The following YWHAH variants were observed in gnomAD, a reference collection of about 807,000 sequenced individuals.
The protein encoded by YWHAH is 14-3-3 protein eta.
Under a neutral mutation model 22.9 loss-of-function variants are expected in YWHAH, and 6 were observed. The ratio of observed to expected loss-of-function variants is 0.26; its 90% CI spans 0.14 to 0.52. YWHAH has a LOEUF of 0.52. Ranked by LOEUF, YWHAH falls within the 20% of genes least tolerant of loss-of-function variation. The pLI is 0.97. For synonymous variants in YWHAH, 135 were observed against 124.5 expected (o/e 1.08, Z -0.56); for missense variants, 173 against 308.6 (o/e 0.56, Z 3.29).
chr22:31,945,845 C>CA (rs2149466136), intron 1 of YWHAH, among the ~76,000 whole-genome samples: 1 of 152,256 alleles, frequency 6.6e-6, no homozygotes, highest in South Asian at 2.1e-4. Flanking sequence ...CAGACATCTG[C>CA]ATTGTAACCA....
chr22:31,950,240 T>C, intron 1 of YWHAH: 2 of 738,448 alleles, frequency 2.7e-6, no homozygotes, highest in South Asian at 2.9e-5. Context: ...CCATATTGCC[T>C]TTAATGTATT....
At position 31,957,173 on chromosome 22, in the gene YWHAH, A is replaced by C. The variant is rs2093850618; in HGVS notation, c.*381A>C. 5.6e-6 allele frequency: 1 copy of C among 179,656 alleles called. No homozygotes were observed. Among genetic ancestry groups the C allele is most frequent in the African/African-American group, 2.4e-5 (1 of 41,952 alleles). 11.1% of individuals were successfully genotyped at this position (179,656 alleles called of 1,614,324 possible). A position where few individuals can be genotyped will look rare whatever the true frequency, so the allele number is the denominator to read the frequency against. ...ACAAGCTGATAGTGTTTCGTTAAGCAGTACATCTTGTGCATGCAAAAATGA... is the reference window on the plus strand; with the variant it reads ...ACAAGCTGATAGTGTTTCGTTAAGCCGTACATCTTGTGCATGCAAAAATGA... On this transcript the variant is annotated 3_prime_UTR_variant, in exon 2 of 2. Transcript: ENST00000248975.
At position 31,956,828 on chromosome 22, in the gene YWHAH, C is replaced by T. The variant is rs2093850177; in HGVS notation, c.*36C>T. On this transcript the variant is annotated 3_prime_UTR_variant, in exon 2 of 2. Coordinates refer to ENST00000248975, the MANE Select transcript of YWHAH (RefSeq NM_003405.4). The surrounding 1 kb of genome is among the most constrained non-coding windows in gnomAD (Gnocchi z 5.1). ...GGTCCCCTGGCCCTTCCTTCACCCA[C>T]CACCCCCATCATCACCGATTCTTCC... 4 of 1,527,058 alleles carry T rather than the reference C, an allele frequency of 2.6e-6. No individual in the cohort carries two copies. Among genetic ancestry groups the T allele is most frequent in the Non-Finnish European group, 3.5e-6 (4 of 1,136,804 alleles). The allele number at this position is 1,527,058 out of a possible 1,614,324, so 94.6% of individuals were successfully genotyped here.
chr22:31,948,321 A>G (rs1006467972), intron 1 of YWHAH, among the ~76,000 whole-genome samples: 1 of 152,196 alleles, frequency 6.6e-6, no homozygotes, highest in African/African-American at 2.4e-5. Flanking sequence ...AAAAGTGCAC[A>G]GCTGACTGCC....
intron 1 of YWHAH, among the ~76,000 whole-genome samples, chr22:31,953,163 A>G (rs1230046286): frequency 6.6e-6 from 1 of 152,212 alleles, no homozygotes; most frequent in African/African-American, 2.4e-5. Context: ...CACAGGAGGA[A>G]GTATATTGTG....
intron 1 of YWHAH, chr22:31,945,785 C>G: frequency 1.1e-6 from 1 of 940,340 alleles, no homozygotes; most frequent in East Asian, 6.3e-5. Context: ...GGAGGATCCC[C>G]TTGAACTCCG....
chr22:31,945,265 C>T (rs1045880805), intron 1 of YWHAH: 2 of 1,151,996 alleles, frequency 1.7e-6, no homozygotes, highest in South Asian at 1.8e-5. Context: ...AGCTGGTTTT[C>T]TCTGCCACGA....
intron 1 of YWHAH, among the ~76,000 whole-genome samples, chr22:31,950,141 T>G (rs1195981976): frequency 1.4e-5 from 2 of 142,524 alleles, no homozygotes; most frequent in Admixed American, 7.2e-5. Flanking sequence ...AATTTGAGTT[T>G]CTCCTGAGTT....
intron 1 of YWHAH, chr22:31,945,148 C>T: frequency 1.8e-6 from 2 of 1,083,874 alleles, no homozygotes; most frequent in Non-Finnish European, 2.2e-6. Context: ...CGCGAAGGAG[C>T]CGCATTTCTC....
At chr22:31,952,315 C>T (rs1256151950) in intron 1 of YWHAH, among the ~76,000 whole-genome samples, 1 of 152,168 alleles carries the variant, frequency 6.6e-6, no homozygotes, top group African/African-American at 2.4e-5. Context: ...GTTCTCCTGG[C>T]TCCTGTATTT....
intron 1 of YWHAH, among the ~76,000 whole-genome samples, chr22:31,955,439 C>CTTTTTTTTTTTTTTTTTT (rs60830862): frequency 1.6e-5 from 2 of 126,728 alleles, no homozygotes; most frequent in African/African-American, 2.9e-5. Context: ...TTCAGAGTAT[C>CTTTTTTTTTTTTTTTTTT]TTTTTTTTTT....
intron 1 of YWHAH, among the ~76,000 whole-genome samples, chr22:31,953,022 G>A (rs558923676): frequency 3.8e-4 from 58 of 152,260 alleles, no homozygotes; most frequent in African/African-American, 1.4e-3. Context: ...TAATTATACC[G>A]CCTTTTGTGT....
chr22:31,952,907 A>C (rs2093845125), intron 1 of YWHAH, among the ~76,000 whole-genome samples: 1 of 152,200 alleles, frequency 6.6e-6, no homozygotes, highest in Non-Finnish European at 1.5e-5. Context: ...CTTGGAGATC[A>C]TTTGGGCTAA....
rs970350664 is a variant in YWHAH at position 31,946,683 on chromosome 22, A to G, written c.87+1863A>G. ...CCTGAGGCAACTTGAAATGGGGGAA[A>G]AAGGCAAGAATGGAGAGATGTTACC... On this transcript the variant is annotated intron_variant, in intron 1 of 1. Transcript: ENST00000248975. 5.9e-5 allele frequency among the ~76,000 whole-genome samples: 9 copies of G among 152,210 alleles called. 1 individual carries two copies. The highest frequency in any genetic ancestry group is 5.9e-4 in the Admixed American group (9 of 15,284).
chr22:31,944,879 G>C, intron 1 of YWHAH, 59 bp downstream of exon 1: 1 of 1,224,466 alleles, frequency 8.2e-7, no homozygotes, highest in Non-Finnish European at 1.0e-6. Flanking sequence ...GGGGAGGGAC[G>C]GGGATGGCCG....
chr22:31,949,599 G>A (rs1603051540), intron 1 of YWHAH, among the ~76,000 whole-genome samples: 3 of 151,940 alleles, frequency 2.0e-5, no homozygotes, highest in South Asian at 2.1e-4. Context: ...CTGGGTTCAC[G>A]CCATTCTCCT....
intron 1 of YWHAH, among the ~76,000 whole-genome samples, chr22:31,950,889 C>T (rs1348034739): frequency 6.6e-6 from 1 of 152,044 alleles, no homozygotes; most frequent in Non-Finnish European, 1.5e-5. Flanking sequence ...AAGCTTTCAT[C>T]CCTCTAGCTC....
At position 31,944,706 on chromosome 22, in the gene YWHAH, C is replaced by G; in HGVS notation, c.-28C>G. ...GGGCTAGCGAGCCAGCGGTGTGAGG[C>G]GCGAGGCGAGGCCGAGCCGCGAGCG... is the stretch of plus-strand genomic sequence containing the variant. On this transcript the variant is annotated 5_prime_UTR_variant, in exon 1 of 2. Coordinates refer to ENST00000248975, the MANE Select transcript of YWHAH (RefSeq NM_003405.4). 7.4e-7 allele frequency: 1 copy of G among 1,359,370 alleles called. No individual in the cohort carries two copies. 84.2% of individuals were successfully genotyped at this position (1,359,370 alleles called of 1,614,324 possible). A position where few individuals can be genotyped will look rare whatever the true frequency, so the allele number is the denominator to read the frequency against.
chr22:31,944,553 C>A lies in YWHAH; in HGVS notation c.-181C>A. The A allele has an allele frequency of 4.0e-6, 1 of 250,254 alleles. No homozygotes were observed. Among genetic ancestry groups the A allele is most frequent in the Non-Finnish European group, 6.7e-6 (1 of 148,812 alleles). 15.5% of individuals were successfully genotyped at this position (250,254 alleles called of 1,614,324 possible). ...GCGAGCCACAGCGCGCGGGGCGAGCCAGCGAGAGGGCGCGAGCGGCGGCGC... is the reference window on the plus strand; with the variant it reads ...GCGAGCCACAGCGCGCGGGGCGAGCAAGCGAGAGGGCGCGAGCGGCGGCGC... On this transcript the variant is annotated 5_prime_UTR_variant, in exon 1 of 2. Transcript: ENST00000248975.
Sources: allele counts gnomAD v4.1 joint callset (sites outside exome capture counted in the v4.1 genomes callset), GRCh38; gene constraint gnomAD v4.1.1; non-coding constraint Gnocchi (gnomAD v3.1); transcripts MANE v1.5; gene names NCBI Gene and HGNC (gene_info 2026-07-23, HGNC 2026-07-21).